MAP2K5: variants seen among roughly 807,000 people sequenced by gnomAD.
The protein encoded by MAP2K5 is dual specificity mitogen-activated protein kinase kinase 5.
In MAP2K5, 49 loss-of-function variants were observed where a neutral mutation model predicts 83.1. The observed-to-expected ratio is 0.59, with a 90% confidence interval of 0.47 to 0.75. MAP2K5 has a LOEUF of 0.75. MAP2K5 is among the 30% of genes least tolerant of loss of function. The probability of loss-of-function intolerance (pLI) is 0.00; values close to 1 mark genes in which losing one functional copy is unlikely to be tolerated. For synonymous variants in MAP2K5, 202 were observed against 191.8 expected (o/e 1.05, Z -0.44); for missense variants, 457 against 557.5 (o/e 0.82, Z 1.82).
chr15:67,577,348 A>T lies in MAP2K5; in HGVS notation c.253-3406A>T, dbSNP rs1473377157. Among the ~76,000 whole-genome samples, 1 of 152,206 alleles carries T rather than the reference A, an allele frequency of 6.6e-6. No homozygotes were observed. Among genetic ancestry groups the T allele is most frequent in the Non-Finnish European group, 1.5e-5 (1 of 68,038 alleles). ...ACAAGTTAATGAGTGGCAGACTTAG[A>T]ATTCAACCCCATTTCAATCAGTAAA... On this transcript the variant is annotated intron_variant, in intron 3 of 21. Transcript: ENST00000178640. The surrounding 1 kb of genome is among the most constrained non-coding windows in gnomAD (Gnocchi z 4.1).
chr15:67,562,232 C>G lies in MAP2K5; in HGVS notation c.185-1051C>G, dbSNP rs2084751996. Among the ~76,000 whole-genome samples the G allele has an allele frequency of 6.6e-6, 1 of 152,176 alleles. No homozygotes were observed. Among genetic ancestry groups the G allele is most frequent in the Non-Finnish European group, 1.5e-5 (1 of 68,040 alleles). ...CAGTCTACTACATAGGCTGTCCTCA[C>G]TGTTGACAAATCTTTATAGAAGGAT... is the stretch of plus-strand genomic sequence containing the variant. On this transcript the variant is annotated intron_variant, in intron 2 of 21. Coordinates refer to ENST00000178640, the MANE Select transcript of MAP2K5 (RefSeq NM_145160.3). This position sits in a 1 kb window ranked among gnomAD's most constrained non-coding sequence, Gnocchi z 4.1.
At position 67,587,508 on chromosome 15, in the gene MAP2K5, C is replaced by G. The variant is rs990892338; in HGVS notation, c.431+595C>G. ...CCCTCCTTTAATGTTTGACTTCCTACTCCTTGCCAAATGGTCATCAAATCT... is the reference window on the plus strand; with the variant it reads ...CCCTCCTTTAATGTTTGACTTCCTAGTCCTTGCCAAATGGTCATCAAATCT... On this transcript the variant is annotated intron_variant, in intron 6 of 21. Transcript: ENST00000178640. The surrounding 1 kb of genome is among the most constrained non-coding windows in gnomAD (Gnocchi z 4.8). 6.6e-6 allele frequency among the ~76,000 whole-genome samples: 1 copy of G among 152,140 alleles called. No homozygotes were observed. The highest frequency in any genetic ancestry group is 1.5e-5 in the Non-Finnish European group (1 of 68,018).
At chr15:67,693,644 G>T in intron 15 of MAP2K5, 76 bp downstream of exon 15, 1 of 1,085,684 alleles carries the variant, frequency 9.2e-7, no homozygotes, top group Non-Finnish European at 1.4e-6. Flanking sequence ...TATAATTCTT[G>T]AATTAATTCC....
rs139274176 is a variant in MAP2K5 at position 67,598,567 on chromosome 15, C to G, written c.481-2118C>G. On this transcript the variant is annotated intron_variant, in intron 7 of 21. Coordinates refer to ENST00000178640, the MANE Select transcript of MAP2K5 (RefSeq NM_145160.3). The stretch of plus-strand genomic sequence containing the variant: ...GTGCCCTGACAGTGTTGGATGCTTA[C>G]TACTCCTTGTTAGGTTGGAGTGCTG... 3.9e-4 allele frequency among the ~76,000 whole-genome samples: 59 copies of G among 152,364 alleles called. 1 individual carries two copies. In the East Asian group the frequency reaches 8.3e-3, roughly 21 times the overall value.
chr15:67,661,071 G>A (rs1465543080), intron 12 of MAP2K5, among the ~76,000 whole-genome samples: 1 of 152,014 alleles, frequency 6.6e-6, no homozygotes, highest in East Asian at 1.9e-4. Flanking sequence ...ATAGGTCCAA[G>A]GTTCATTACA....
chr15:67,609,156 G>A (rs969304887), intron 8 of MAP2K5, among the ~76,000 whole-genome samples: 1 of 152,160 alleles, frequency 6.6e-6, no homozygotes, highest in Non-Finnish European at 1.5e-5. Context: ...TAAAGTCCCA[G>A]AACTAAATTC....
intron 17 of MAP2K5, among the ~76,000 whole-genome samples, chr15:67,734,260 A>C (rs2089290379): frequency 6.6e-6 from 1 of 152,206 alleles, no homozygotes. Context: ...TATTATATGC[A>C]ATCCATATTA....
intron 16 of MAP2K5, among the ~76,000 whole-genome samples, chr15:67,711,652 C>T (rs969197775): frequency 1.2e-4 from 18 of 144,168 alleles, no homozygotes; most frequent in Non-Finnish European, 1.1e-4. Context: ...GATTTACACA[C>T]GCACACACAG....
chr15:67,790,637 T>G lies in MAP2K5; in HGVS notation c.1243-16009T>G, dbSNP rs2090499162. 6.6e-6 allele frequency among the ~76,000 whole-genome samples: 1 copy of G among 152,070 alleles called. No homozygotes were observed. Among genetic ancestry groups the G allele is most frequent in the Non-Finnish European group, 1.5e-5 (1 of 68,012 alleles). ...GGCTGAGGCTCAGAGGAGGGGCTGC[T>G]TACTGAGTGGTGAGGGTCTTTAAGA... is the stretch of plus-strand genomic sequence containing the variant. On this transcript the variant is annotated intron_variant, in intron 21 of 21. Transcript: ENST00000178640. The surrounding 1 kb of genome is among the most constrained non-coding windows in gnomAD (Gnocchi z 4.6).
At chr15:67,596,811 AC>A (rs1361093052) in intron 7 of MAP2K5, among the ~76,000 whole-genome samples, 2 of 152,144 alleles carry the variant, frequency 1.3e-5, no homozygotes, top group African/African-American at 4.8e-5. Flanking sequence ...CTCCTCCTTC[AC>A]ATCTATTATT....
In MAP2K5 at chr15:67,698,250, C is replaced by A. The variant is rs1013766487; in HGVS notation, c.972+4682C>A. On this transcript the variant is annotated intron_variant, in intron 15 of 21. Coordinates refer to ENST00000178640, the MANE Select transcript of MAP2K5 (RefSeq NM_145160.3). The surrounding 1 kb of genome is among the most constrained non-coding windows in gnomAD (Gnocchi z 4.5). ...TGTCCCCCAGGCTGGAGTGCAGTGG[C>A]GATTGCAGCTCACCGCAACCTCTGT... Among the ~76,000 whole-genome samples the A allele has an allele frequency of 2.0e-5, 3 of 151,930 alleles. No homozygotes were observed. Among genetic ancestry groups the A allele is most frequent in the African/African-American group, 7.3e-5 (3 of 41,342 alleles).
rs2084688500 is a variant in MAP2K5 at position 67,559,322 on chromosome 15, T to C, written c.185-3961T>C. ...CCTTCTTGAGCCCCTGTCACTGCAG[T>C]GGGTGCTGTTTGGCTGAGAGCTCCC... On this transcript the variant is annotated intron_variant, in intron 2 of 21. Coordinates refer to ENST00000178640, the MANE Select transcript of MAP2K5 (RefSeq NM_145160.3). The surrounding 1 kb of genome is among the most constrained non-coding windows in gnomAD (Gnocchi z 4.7). Among the ~76,000 whole-genome samples the C allele has an allele frequency of 1.3e-5, 2 of 152,168 alleles. No individual in the cohort carries two copies. Among genetic ancestry groups the C allele is most frequent in the Non-Finnish European group, 2.9e-5 (2 of 68,024 alleles).
chr15:67,607,089 A>G (rs1185081211), intron 8 of MAP2K5, among the ~76,000 whole-genome samples: 1 of 152,228 alleles, frequency 6.6e-6, no homozygotes, highest in Admixed American at 6.5e-5. Context: ...AAATGGTTTT[A>G]AAATTGACCT....
chr15:67,795,694 T>C lies in MAP2K5; in HGVS notation c.1243-10952T>C, dbSNP rs554736886. Among the ~76,000 whole-genome samples the C allele has an allele frequency of 2.6e-5, 4 of 152,356 alleles. No individual in the cohort carries two copies. The East Asian group carries it at 7.7e-4, about 29-fold the overall frequency. On this transcript the variant is annotated intron_variant, in intron 21 of 21. Transcript: ENST00000178640. ...CTTGAAAAAAGTATATATTCTCTAA[T>C]TGTTGAATGCAATGTCCTATAGACA...
At chr15:67,545,414 A>G (rs1193764192) in intron 1 of MAP2K5, among the ~76,000 whole-genome samples, 3 of 152,204 alleles carry the variant, frequency 2.0e-5, no homozygotes, top group African/African-American at 7.2e-5. Context: ...TTTAGAGTCA[A>G]GGAATTTGGG....
Position 67,637,886 on chromosome 15 carries a change from T to C in MAP2K5, c.585+6959T>C, listed in dbSNP as rs2086636981. On this transcript the variant is annotated intron_variant, in intron 9 of 21. Transcript: ENST00000178640. The surrounding 1 kb of genome is among the most constrained non-coding windows in gnomAD (Gnocchi z 4.5). ...GGGATCACTGCCCCATTCTGGCTAATGTCCAATGTCTGGAAGCCTGTTGAT... is the reference window on the plus strand; with the variant it reads ...GGGATCACTGCCCCATTCTGGCTAACGTCCAATGTCTGGAAGCCTGTTGAT... 6.6e-6 allele frequency among the ~76,000 whole-genome samples: 1 copy of C among 150,418 alleles called. No homozygotes were observed. The highest frequency in any genetic ancestry group is 1.5e-5 in the Non-Finnish European group (1 of 67,708).
chr15:67,772,774 C>T (rs776423477), intron 21 of MAP2K5, 22 bp downstream of exon 21: 6 of 1,574,688 alleles, frequency 3.8e-6, no homozygotes, highest in African/African-American at 1.4e-5. Context: ...TTTTTAGTTA[C>T]ATTAGAATTC....
At position 67,774,200 on chromosome 15, in the gene MAP2K5, T is replaced by TGA. The variant is rs1256103077; in HGVS notation, c.1242+1449_1242+1450insAG. Among the ~76,000 whole-genome samples, 17 of 87,460 alleles carry TGA rather than the reference T, an allele frequency of 1.9e-4. No homozygotes were observed. The highest frequency in any genetic ancestry group is 6.1e-4 in the African/African-American group (16 of 26,308). The allele number at this position is 87,460 out of a possible 152,430, so 57.4% of individuals were successfully genotyped here. A position where few individuals can be genotyped will look rare whatever the true frequency, so the allele number is the denominator to read the frequency against. On this transcript the variant is annotated intron_variant, in intron 21 of 21. Transcript: ENST00000178640. This position sits in a 1 kb window ranked among gnomAD's most constrained non-coding sequence, Gnocchi z 4.9. ...GTGTGTGTGTGTGTGTGTGTGTGTGTGTGAGAGAACATAGGTATTTAGATA... is the reference window on the plus strand; with the variant it reads ...GTGTGTGTGTGTGTGTGTGTGTGTGTGAGTGAGAGAACATAGGTATTTAGATA...
chr15:67,583,422 C>G (rs1180267839), intron 4 of MAP2K5, among the ~76,000 whole-genome samples: 3 of 152,018 alleles, frequency 2.0e-5, no homozygotes, highest in African/African-American at 4.8e-5. Flanking sequence ...CATAGTCTTT[C>G]TAAGCCAAAT....
Sources: gnomAD v4.1 joint callset for allele counts (sites outside exome capture counted in the v4.1 genomes callset) on GRCh38, gnomAD v4.1.1 for gene constraint, Gnocchi (gnomAD v3.1) non-coding constraint, MANE v1.5 for transcripts, NCBI Gene and HGNC (gene_info 2026-07-23, HGNC 2026-07-21) for gene names.